TAFA4: variants seen among roughly 807,000 people sequenced by gnomAD.
TAFA4 encodes chemokine-like protein TAFA-4.
A neutral mutation model predicts 21.1 loss-of-function variants in TAFA4; 20 were observed. The observed-to-expected ratio is 0.95, with a 90% CI of 0.67 to 1.38. The LOEUF (loss-of-function observed/expected upper bound fraction) is 1.38, where lower values mean the gene tolerates loss of function less well. Ranked by LOEUF, TAFA4 falls within the 40% of genes most tolerant of loss-of-function variation. The pLI is 0.00. For synonymous variants in TAFA4, 71 were observed against 67.4 expected (o/e 1.05, Z -0.26); for missense variants, 211 against 180.9 (o/e 1.17, Z -0.95).
chr3:68,864,085 A>G (rs920221663), intron 3 of TAFA4, among the ~76,000 whole-genome samples: 2 of 152,260 alleles, frequency 1.3e-5, no homozygotes, highest in Admixed American at 1.3e-4. Context: ...TACATAAAAG[A>G]ACAAACTAGT....
intron 1 of TAFA4, among the ~76,000 whole-genome samples, chr3:68,922,771 AT>A (rs1398663534): frequency 6.6e-6 from 1 of 152,074 alleles, no homozygotes; most frequent in Admixed American, 6.6e-5. Context: ...GTCTTGAGGA[AT>A]TTTTTCCTTT....
At chr3:68,770,715 T>C (rs2106781859) in intron 3 of TAFA4, among the ~76,000 whole-genome samples, 1 of 151,968 alleles carries the variant, frequency 6.6e-6, no homozygotes, top group South Asian at 2.1e-4. Flanking sequence ...TCTCCCACTT[T>C]ATAAAGAAAA....
intron 4 of TAFA4, among the ~76,000 whole-genome samples, chr3:68,750,560 A>C (rs908911560): frequency 6.6e-6 from 1 of 152,232 alleles, no homozygotes; most frequent in Non-Finnish European, 1.5e-5. Context: ...AAATATATTG[A>C]CCAAACAGAT....
intron 3 of TAFA4, among the ~76,000 whole-genome samples, chr3:68,824,640 T>C (rs1278784188): frequency 1.3e-5 from 2 of 152,196 alleles, no homozygotes; most frequent in Non-Finnish European, 2.9e-5. Flanking sequence ...GTGCATCTCC[T>C]TAAGGGACCA....
chr3:68,780,094 G>T (rs1703127494), intron 3 of TAFA4, among the ~76,000 whole-genome samples: 1 of 152,172 alleles, frequency 6.6e-6, no homozygotes, highest in Admixed American at 6.5e-5. Flanking sequence ...ACTGAATTTA[G>T]GACTTGCATG....
At chr3:68,879,419 A>G (rs1052502822) in intron 3 of TAFA4, among the ~76,000 whole-genome samples, 4 of 152,138 alleles carry the variant, frequency 2.6e-5, no homozygotes, top group Non-Finnish European at 5.9e-5. Flanking sequence ...TTATAGCATG[A>G]ATGGGAGTGG....
At position 68,752,959 on chromosome 3, in the gene TAFA4, T is replaced by C. The variant is rs1011810873; in HGVS notation, c.190A>G (p.Lys64Glu). 11 of 1,614,002 alleles carry C rather than the reference T, an allele frequency of 6.8e-6. No homozygotes were observed. Among genetic ancestry groups the C allele is most frequent in the Middle Eastern group, 1.6e-4 (1 of 6,082 alleles). ...TGTGACCGCTCTTCTATGCGGTTCT[T>C]ATTGCAGCACCTGTGCACGGCGACC... is the stretch of plus-strand genomic sequence containing the variant. ...EVVAVHRCCN[K>E]NRIEERSQTV... The change falls in exon 4 of 6, where the codon AAG becomes GAG. Residue 64 changes from lysine to glutamate, a missense_variant. Physicochemically the swap from Lys to Glu is moderately conservative, Grantham distance 56. Coordinates refer to ENST00000295569, the MANE Select transcript of TAFA4 (RefSeq NM_182522.5).
At chr3:68,775,436 T>C (rs1703031595) in intron 3 of TAFA4, among the ~76,000 whole-genome samples, 1 of 151,964 alleles carries the variant, frequency 6.6e-6, no homozygotes, top group Non-Finnish European at 1.5e-5. Flanking sequence ...TCAGCTGCCA[T>C]GGAGAGAGTA....
At chr3:68,869,689 T>C (rs1012693457) in intron 3 of TAFA4, among the ~76,000 whole-genome samples, 2 of 151,852 alleles carry the variant, frequency 1.3e-5, no homozygotes, top group African/African-American at 2.4e-5. Flanking sequence ...TCTCAACAAA[T>C]TGGGTACAGA....
At position 68,880,874 on chromosome 3, in the gene TAFA4, G is replaced by A. The variant is rs752644612; in HGVS notation, c.15-29C>T. ...GAGGAAAAGCAGGGCTGGAGTCAGT[G>A]AGGGCTGAGGAAGGCCAGACTCCCT... On this transcript the variant is annotated intron_variant, in intron 2 of 5. Coordinates refer to ENST00000295569, the MANE Select transcript of TAFA4 (RefSeq NM_182522.5). 4 of 1,588,174 alleles carry A rather than the reference G, an allele frequency of 2.5e-6. No individual in the cohort carries two copies. In the African/African-American group the frequency reaches 5.4e-5, roughly 21 times the overall value.
intron 3 of TAFA4, among the ~76,000 whole-genome samples, chr3:68,830,994 G>C (rs187375326): frequency 2.0e-5 from 3 of 152,260 alleles, no homozygotes; most frequent in Admixed American, 2.0e-4. Context: ...TGTTTTATCA[G>C]AGACCAGGAT....
chr3:68,826,965 C>T (rs1157941354), intron 3 of TAFA4, among the ~76,000 whole-genome samples: 3 of 152,006 alleles, frequency 2.0e-5, no homozygotes, highest in South Asian at 2.1e-4. Context: ...ATACATGTGC[C>T]GTGTTGGTTT....
intron 3 of TAFA4, among the ~76,000 whole-genome samples, chr3:68,811,272 T>C (rs560531867): frequency 1.3e-5 from 2 of 152,232 alleles, no homozygotes; most frequent in South Asian, 4.2e-4. Flanking sequence ...GTACCTCTCC[T>C]CCTCCAAAGG....
intron 4 of TAFA4, among the ~76,000 whole-genome samples, chr3:68,747,842 A>G (rs1471924962): frequency 6.6e-6 from 1 of 152,306 alleles, no homozygotes; most frequent in East Asian, 1.9e-4. Context: ...GAAGGCAGGA[A>G]TTAAATCCTA....
chr3:68,758,206 T>G (rs1276602476), intron 3 of TAFA4, among the ~76,000 whole-genome samples: 2 of 152,182 alleles, frequency 1.3e-5, no homozygotes, highest in Non-Finnish European at 2.9e-5. Flanking sequence ...GACAACATCT[T>G]TTTCAATTTG....
intron 3 of TAFA4, among the ~76,000 whole-genome samples, chr3:68,756,460 T>A (rs548641479): frequency 2.0e-4 from 30 of 152,332 alleles, no homozygotes; most frequent in African/African-American, 7.0e-4. Context: ...TGGTTTCTGT[T>A]GGTGTATGTG....
intron 1 of TAFA4, 129 bp from the exon 2 acceptor site, chr3:68,885,439 G>T: frequency 2.0e-6 from 1 of 509,950 alleles, no homozygotes. Context: ...GTGGCAGACA[G>T]CCAAACATAT....
At chr3:68,890,237 C>T (rs887420668) in intron 1 of TAFA4, among the ~76,000 whole-genome samples, 1 of 152,136 alleles carries the variant, frequency 6.6e-6, no homozygotes, top group African/African-American at 2.4e-5. Context: ...AATGCAAAAA[C>T]TAATAAGCAA....
At chr3:68,824,872 T>G (rs1704192142) in intron 3 of TAFA4, among the ~76,000 whole-genome samples, 1 of 152,164 alleles carries the variant, frequency 6.6e-6, no homozygotes, top group African/African-American at 2.4e-5. Context: ...AATCGGGCAT[T>G]TTACGCGTAC....
Sources: allele counts gnomAD v4.1 joint callset (sites outside exome capture counted in the v4.1 genomes callset), GRCh38; gene constraint gnomAD v4.1.1; transcripts MANE v1.5; gene names NCBI Gene and HGNC (gene_info 2026-07-23, HGNC 2026-07-21).